EFCAB5: variants seen among roughly 807,000 people sequenced by gnomAD.
EFCAB5 encodes the protein EF-hand calcium-binding domain-containing protein 5.
In EFCAB5, 131 loss-of-function variants were observed where a neutral mutation model predicts 167.9. The ratio of observed to expected loss-of-function variants is 0.78; its 90% CI spans 0.68 to 0.90. EFCAB5 has a LOEUF of 0.90. Among genes scored for constraint, EFCAB5 ranks in the 40% least tolerant of loss-of-function variants. The pLI, the probability that EFCAB5 is intolerant of heterozygous loss-of-function variation, is 0.00. For synonymous variants in EFCAB5, 574 were observed against 602.8 expected, an observed-to-expected ratio of 0.95 and a Z score of 0.70; for missense variants, 1,663 against 1,745.2, an observed-to-expected ratio of 0.95 and a Z score of 0.84.
intron 3 of EFCAB5, among the ~76,000 whole-genome samples, chr17:29,944,303 T>A (rs2067352690): frequency 6.6e-6 from 1 of 151,984 alleles, no homozygotes; most frequent in African/African-American, 2.4e-5. Flanking sequence ...CTGGTCTCGA[T>A]CTCCTGGACT....
At chr17:30,077,700 G>A (rs1436257437) in intron 14 of EFCAB5, among the ~76,000 whole-genome samples, 1 of 152,230 alleles carries the variant, frequency 6.6e-6, no homozygotes, top group East Asian at 1.9e-4. Flanking sequence ...GGGCAGATGT[G>A]ATTAGAAATA....
intron 4 of EFCAB5, among the ~76,000 whole-genome samples, chr17:29,980,583 T>C (rs1277906776): frequency 6.6e-6 from 1 of 152,218 alleles, no homozygotes; most frequent in Admixed American, 6.5e-5. Context: ...ATATCATACT[T>C]GTCTAACTTT....
At chr17:30,052,789 A>G (rs1017068274) in intron 9 of EFCAB5, among the ~76,000 whole-genome samples, 5 of 152,240 alleles carry the variant, frequency 3.3e-5, no homozygotes, top group African/African-American at 1.2e-4. Context: ...GGAAAGAGAT[A>G]GGGGGAAGAA....
intron 14 of EFCAB5, among the ~76,000 whole-genome samples, chr17:30,061,485 A>C (rs1313795666): frequency 6.6e-6 from 1 of 152,234 alleles, no homozygotes; most frequent in Non-Finnish European, 1.5e-5. Flanking sequence ...TCATAGGATT[A>C]GAAGTTTTTA....
At chr17:30,052,877 AAT>A (rs955061339) in intron 9 of EFCAB5, among the ~76,000 whole-genome samples, 1 of 152,242 alleles carries the variant, frequency 6.6e-6, no homozygotes, top group African/African-American at 2.4e-5. Flanking sequence ...AAATATTGAA[AAT>A]ATATTTGACA....
At chr17:29,992,574 C>G (rs145730286) in intron 4 of EFCAB5, among the ~76,000 whole-genome samples, 2 of 152,292 alleles carry the variant, frequency 1.3e-5, no homozygotes, top group East Asian at 3.9e-4. Context: ...TCTTGATCTT[C>G]TGACCTCGTG....
chr17:30,056,074 T>G lies in EFCAB5; in HGVS notation c.2283T>G (p.Phe761Leu). 6.2e-7 allele frequency: 1 copy of G among 1,612,858 alleles called. No individual in the cohort carries two copies. The highest frequency in any genetic ancestry group is 8.5e-7 in the Non-Finnish European group (1 of 1,179,282). The stretch of plus-strand genomic sequence containing the variant: ...AATGTGTTTTTACAGGTGAATTTTT[T>G]ACTTGTAACTGGAAAATGAAGTATG... ...IEGKSWSGEF[F>L]TCNWKMKYVT... The change falls in exon 12 of 23, where the codon TTT becomes TTG. Residue 761 changes from phenylalanine (F) to leucine (L), a missense_variant. Physicochemically the swap from Phe to Leu is conservative, Grantham distance 22 (BLOSUM62 0). Coordinates refer to ENST00000394835, the MANE Select transcript of EFCAB5 (RefSeq NM_198529.4).
At chr17:29,979,266 A>G (rs1597612995) in intron 4 of EFCAB5, among the ~76,000 whole-genome samples, 1 of 151,978 alleles carries the variant, frequency 6.6e-6, no homozygotes, top group Non-Finnish European at 1.5e-5. Flanking sequence ...TTGCTTGAAC[A>G]TGGGAGGCGG....
Position 29,962,026 on chromosome 17 carries a change from T to C in EFCAB5, c.191-6765T>C, listed in dbSNP as rs1037525504. 4.6e-5 allele frequency among the ~76,000 whole-genome samples: 7 copies of C among 152,256 alleles called. No individual in the cohort carries two copies. In the South Asian group the frequency reaches 1.4e-3, roughly 31 times the overall value. ...TATGAGAGTTTATTTCTGGTCTCTCTATCCTATTTTATTAGTCTATATGTC... is the reference window on the plus strand; with the variant it reads ...TATGAGAGTTTATTTCTGGTCTCTCCATCCTATTTTATTAGTCTATATGTC... On this transcript the variant is annotated intron_variant, in intron 3 of 22. Coordinates refer to ENST00000394835, the MANE Select transcript of EFCAB5 (RefSeq NM_198529.4).
At chr17:30,100,388 G>A (rs2071364607) in intron 22 of EFCAB5, among the ~76,000 whole-genome samples, 1 of 152,192 alleles carries the variant, frequency 6.6e-6, no homozygotes, top group African/African-American at 2.4e-5. Context: ...AAAAAGCAAA[G>A]TCGAGTAAGG....
intron 8 of EFCAB5, among the ~76,000 whole-genome samples, chr17:30,049,841 C>A (rs979579647): frequency 6.6e-6 from 1 of 152,170 alleles, no homozygotes; most frequent in Non-Finnish European, 1.5e-5. Flanking sequence ...ATACATTATG[C>A]AATCCAGTAA....
At chr17:30,097,734 T>C (rs1021374941) in intron 22 of EFCAB5, among the ~76,000 whole-genome samples, 2 of 152,238 alleles carry the variant, frequency 1.3e-5, no homozygotes, top group Non-Finnish European at 2.9e-5. Flanking sequence ...CATATTTTGA[T>C]TCCTCATTTT....
chr17:30,067,780 A>G (rs962990032), intron 14 of EFCAB5, among the ~76,000 whole-genome samples: 4 of 152,234 alleles, frequency 2.6e-5, no homozygotes, highest in Non-Finnish European at 5.9e-5. Flanking sequence ...TGAGACAAAG[A>G]TAACCACTTT....
chr17:29,986,129 G>A (rs1567696183), intron 4 of EFCAB5, among the ~76,000 whole-genome samples: 1 of 152,188 alleles, frequency 6.6e-6, no homozygotes, highest in Non-Finnish European at 1.5e-5. Flanking sequence ...CTGGCATTAA[G>A]GTCAGGTGTG....
chr17:30,096,677 A>ATATATT (rs1193558323), intron 22 of EFCAB5, among the ~76,000 whole-genome samples: 11 of 60,128 alleles, frequency 1.8e-4, no homozygotes, highest in African/African-American at 7.6e-4. Context: ...ATATATATAT[A>ATATATT]TTTTTTTTTT....
intron 14 of EFCAB5, among the ~76,000 whole-genome samples, chr17:30,075,658 C>G (rs2070853976): frequency 6.6e-6 from 1 of 152,168 alleles, no homozygotes; most frequent in African/African-American, 2.4e-5. Flanking sequence ...AACCACCTCT[C>G]TGTAAGGCCA....
chr17:30,047,430 T>G (rs1318932403), intron 8 of EFCAB5, among the ~76,000 whole-genome samples: 1 of 152,068 alleles, frequency 6.6e-6, no homozygotes, highest in Non-Finnish European at 1.5e-5. Context: ...TGAAGTAAAC[T>G]CTCTAATTTC....
chr17:30,067,045 G>A (rs536066704), intron 14 of EFCAB5, among the ~76,000 whole-genome samples: 1 of 152,276 alleles, frequency 6.6e-6, no homozygotes, highest in East Asian at 1.9e-4. Flanking sequence ...AAAAGCCCAG[G>A]ATCTGATGGC....
intron 22 of EFCAB5, among the ~76,000 whole-genome samples, chr17:30,104,296 A>T (rs2071417855): frequency 6.6e-6 from 1 of 152,180 alleles, no homozygotes; most frequent in African/African-American, 2.4e-5. Flanking sequence ...CATCATCCCC[A>T]AAAGATTTAA....
Sources: allele counts gnomAD v4.1 joint callset (sites outside exome capture counted in the v4.1 genomes callset), GRCh38; gene constraint gnomAD v4.1.1; transcripts MANE v1.5; gene names NCBI Gene and HGNC (gene_info 2026-07-23, HGNC 2026-07-21).